The following NCOR2 variants were observed in gnomAD, a reference collection of about 807,000 sequenced individuals.
NCOR2 encodes CTG repeat protein 26.
Under a neutral mutation model 262.9 loss-of-function variants are expected in NCOR2, and 81 were observed. The observed-to-expected ratio is 0.31, with a 90% CI of 0.26 to 0.37. NCOR2 has a LOEUF of 0.37. Among genes scored for constraint, NCOR2 ranks in the 10% least tolerant of loss-of-function variants. The pLI is 1.00. For missense variants in NCOR2, 3,385 were observed against 3,621.4 expected (o/e 0.93, Z 1.68); for synonymous variants, 1,659 against 1,559.3 (o/e 1.06, Z -1.51).
chr12:124,330,940 G>T, intron 43 of NCOR2, 42 bp from the exon 46 acceptor site: 1 of 1,557,570 alleles, frequency 6.4e-7, no homozygotes, highest in South Asian at 1.2e-5. Flanking sequence ...CCAGGTCTCT[G>T]GGAATTACCT....
rs546914677 is a variant in NCOR2, at chr12:124,519,837, G to A, written c.-118+15728C>T. On this transcript the variant is annotated intron_variant, in intron 1 of 46. Coordinates refer to the NCOR2 transcript ENST00000404621. ...CCGCGGCATAGGCAGGTATGCCCCT[G>A]AGCCGCCACACACAGACAGAGCAGG... Among the ~76,000 whole-genome samples, 136 of 152,192 alleles carry A rather than the reference G, an allele frequency of 8.9e-4. 1 individual carries two copies. In the Middle Eastern group the frequency reaches 0.01, roughly 11 times the overall value.
chr12:124,468,123 T>C (rs1356722992), intron 4 of NCOR2, among the ~76,000 whole-genome samples: 1 of 30,326 alleles, frequency 3.3e-5, no homozygotes, highest in Non-Finnish European at 5.7e-5. Context: ...TCATCACCCC[T>C]TCATCCTCAT....
At chr12:124,337,343 T>C (rs780040139) in intron 37 of NCOR2, 163 bp from the exon 40 acceptor site, 4 of 841,392 alleles carry the variant, frequency 4.8e-6, no homozygotes, top group South Asian at 4.3e-5. Context: ...GCGTCATGGT[T>C]TGACCCATCC....
chr12:124,349,753 C>G (rs560251363), intron 28 of NCOR2, among the ~76,000 whole-genome samples: 3 of 152,164 alleles, frequency 2.0e-5, no homozygotes, highest in Non-Finnish European at 2.9e-5. Flanking sequence ...GGACTCTACC[C>G]AGTGACCTCT....
At position 124,398,105 on chromosome 12, in the gene NCOR2, C is replaced by T. The variant is rs772648191; in HGVS notation, c.1876+14G>A. ...GCAAACCAACAAGGCTTAAAGCCGC[C>T]ACACACCCCTCACCTTTCTTGGCTG... On this transcript the variant is annotated intron_variant, in intron 16 of 46. Coordinates refer to ENST00000405201, the Ensembl canonical transcript of NCOR2. 2.5e-6 allele frequency: 4 copies of T among 1,614,040 alleles called. No homozygotes were observed. In the African/African-American group the frequency reaches 5.3e-5, roughly 22 times the overall value.
At chr12:124,508,284 C>T (rs538585288) in intron 1 of NCOR2, among the ~76,000 whole-genome samples, 6 of 152,390 alleles carry the variant, frequency 3.9e-5, no homozygotes, top group Admixed American at 3.9e-4. Context: ...TCAATTACCC[C>T]AGGGGCATTG....
chr12:124,415,276 A>C (rs1448093912), intron 13 of NCOR2, among the ~76,000 whole-genome samples: 1 of 152,218 alleles, frequency 6.6e-6, no homozygotes, highest in East Asian at 1.9e-4. Context: ...GGCCCACCCC[A>C]GGCCTGCTGT....
chr12:124,408,756 AT>A (rs1291679018), intron 13 of NCOR2, among the ~76,000 whole-genome samples: 1 of 152,224 alleles, frequency 6.6e-6, no homozygotes, highest in African/African-American at 2.4e-5. Context: ...CTCTAAAAAA[AT>A]AATAAATTTT....
rs151133303 is a variant in NCOR2, at chr12:124,535,096, C to T, written c.-118+469G>A. Among the ~76,000 whole-genome samples, 23 of 152,368 alleles carry T rather than the reference C, an allele frequency of 1.5e-4. No homozygotes were observed. The East Asian group carries it at 4.4e-3, about 29-fold the overall frequency. On this transcript the variant is annotated intron_variant, in intron 1 of 46. Transcript: ENST00000404621. ...GTGATAAGACCAGGACCCAGGCCAC[C>T]TCTTTGCCTGCTAGGCATGGGGACC... is the stretch of plus-strand genomic sequence containing the variant.
intron 1 of NCOR2, among the ~76,000 whole-genome samples, chr12:124,553,691 T>C (rs182497395): frequency 5.2e-4 from 79 of 152,356 alleles, no homozygotes; most frequent in African/African-American, 1.5e-3. Flanking sequence ...TCAATACTTT[T>C]GAGCAACGTT....
At position 124,456,474 on chromosome 12, in the gene NCOR2, A is replaced by G. The variant is rs1377412845; in HGVS notation, c.762+632T>C. On this transcript the variant is annotated intron_variant, in intron 6 of 46. Transcript: ENST00000405201. Reference sequence around the variant, plus strand: ...CTGACATGGCATCTTTCCGCAGCAAAAGGACACTAGTGACAGCCATCATCG... The same window carrying G: ...CTGACATGGCATCTTTCCGCAGCAAGAGGACACTAGTGACAGCCATCATCG... Among the ~76,000 whole-genome samples the G allele has an allele frequency of 2.6e-5, 4 of 151,472 alleles. 1 individual carries two copies. The highest frequency in any genetic ancestry group is 4.1e-4 in the South Asian group (2 of 4,826).
chr12:124,326,327 T>C (rs1566342437), exon 46 of NCOR2: 1 of 1,539,538 alleles, frequency 6.5e-7, no homozygotes. Context: ...ACTTGGCTTT[T>C]CGGCTGCTGG....
At position 124,389,002 on chromosome 12, in the gene NCOR2, G is replaced by T. The variant is rs940835426; in HGVS notation, c.1877-3115C>A. Among the ~76,000 whole-genome samples the T allele has an allele frequency of 2.0e-5, 3 of 152,032 alleles. No homozygotes were observed. The highest frequency in any genetic ancestry group is 1.3e-4 in the Admixed American group (2 of 15,282). ...TGTGGTGGCCCGGGGCTCCTCCAGC[G>T]GCCGCTGCCACCTCTGACGCCGTCC... is the stretch of plus-strand genomic sequence containing the variant. On this transcript the variant is annotated intron_variant, in intron 16 of 46. Transcript: ENST00000405201. This position sits in a 1 kb window ranked among gnomAD's most constrained non-coding sequence, Gnocchi z 4.4.
chr12:124,428,452 A>C (rs2136337718), intron 10 of NCOR2, among the ~76,000 whole-genome samples: 1 of 152,312 alleles, frequency 6.6e-6, no homozygotes, highest in South Asian at 2.1e-4. Context: ...GGCTGGGTAA[A>C]AATGCGGATT....
Position 124,531,931 on chromosome 12 carries a change from CG to C in NCOR2, c.-118+3633del, listed in dbSNP as rs1240798280. 2.0e-5 allele frequency among the ~76,000 whole-genome samples: 3 copies of C among 151,724 alleles called. No homozygotes were observed. The highest frequency in any genetic ancestry group is 4.8e-5 in the African/African-American group (2 of 41,260). On this transcript the variant is annotated intron_variant, in intron 1 of 46. Transcript: ENST00000404621. The surrounding 1 kb of genome is among the most constrained non-coding windows in gnomAD (Gnocchi z 4.5). ...AATCCACTCACAGAGTTTCGAGTCACGGGCAACCCACTTTTGGGGCCAGGGG... is the reference window on the plus strand; with the variant it reads ...AATCCACTCACAGAGTTTCGAGTCACGGCAACCCACTTTTGGGGCCAGGGG...
exon 47 of NCOR2, chr12:124,325,216 G>A (rs377552163): frequency 1.2e-5 from 5 of 409,846 alleles, no homozygotes; most frequent in East Asian, 1.1e-4. Flanking sequence ...AGCCCGGGGC[G>A]GGAGTCTTAG....
intron 1 of NCOR2, among the ~76,000 whole-genome samples, chr12:124,522,465 C>A (rs77861094): frequency 0.1 from 15,934 of 152,166 alleles, 1,041 homozygotes; most frequent in East Asian, 0.16. Flanking sequence ...TGGCTCCTGG[C>A]GTTCCTTCCG....
chr12:124,407,915 C>T (rs1273437927), intron 13 of NCOR2, among the ~76,000 whole-genome samples: 1 of 152,128 alleles, frequency 6.6e-6, no homozygotes, highest in East Asian at 1.9e-4. Flanking sequence ...GGGTCAGAGC[C>T]GAGGCAGAAC....
At chr12:124,333,662 C>CT (rs2035447411) in intron 41 of NCOR2, among the ~76,000 whole-genome samples, 1 of 151,314 alleles carries the variant, frequency 6.6e-6, no homozygotes. Context: ...ACACATTACC[C>CT]CCCCCGCCCC....
Sources: gnomAD v4.1 joint callset for allele counts (sites outside exome capture counted in the v4.1 genomes callset) on GRCh38, gnomAD v4.1.1 for gene constraint, Gnocchi (gnomAD v3.1) non-coding constraint, MANE v1.5 for transcripts, NCBI Gene and HGNC (gene_info 2026-07-23, HGNC 2026-07-21) for gene names.